The following R3HDM4 variants were observed in gnomAD, a reference collection of about 807,000 sequenced individuals.
R3HDM4 encodes R3H domain-containing protein 4.
In R3HDM4, 30 loss-of-function variants were observed where a neutral mutation model predicts 31.3. The observed-to-expected ratio is 0.96, with a 90% CI of 0.72 to 1.30. R3HDM4 has a LOEUF of 1.30. R3HDM4 is among the 50% of genes most tolerant of loss of function. The pLI, the probability that R3HDM4 is intolerant of heterozygous loss-of-function variation, is 0.00. For synonymous variants in R3HDM4, 196 were observed against 156.6 expected (o/e 1.25, Z -1.88); for missense variants, 444 against 366.1 (o/e 1.21, Z -1.74).
chr19:901,587 G>A (rs2036838273), intron 2 of R3HDM4, 41 bp from the exon 3 acceptor site: 3 of 1,582,450 alleles, frequency 1.9e-6, no homozygotes, highest in Non-Finnish European at 2.6e-6. Context: ...GGTGGCATTT[G>A]GGGACCCCCA....
intron 1 of R3HDM4, among the ~76,000 whole-genome samples, chr19:904,258 G>A (rs946871294): frequency 7.9e-5 from 12 of 152,074 alleles, no homozygotes; most frequent in African/African-American, 1.9e-4. Flanking sequence ...ACGATTTCCC[G>A]TCCCGCCTCG....
Position 899,617 on chromosome 19 carries a change from C to G in R3HDM4, c.631G>C (p.Ala211Pro). Residue 211 changes from alanine to proline, a missense_variant, in exon 6 of 8, where the codon GCA (alanine) becomes CCA (proline). By Grantham distance (27) the Ala-to-Pro change is conservative (BLOSUM62 -1). Transcript: ENST00000361574. This position sits in a 1 kb window ranked among gnomAD's most constrained non-coding sequence, Gnocchi z 6.8. The stretch of plus-strand genomic sequence containing the variant: ...CCCCCTTACCTGTTGTCTAGCATTG[C>G]TGTGTACACGGCCTGGGGGGACACG... ...FSVSPQAVYT[A>P]MLDNSFERLL... 6.2e-7 allele frequency: 1 copy of G among 1,612,278 alleles called. No homozygotes were observed. Among genetic ancestry groups the G allele is most frequent in the Non-Finnish European group, 8.5e-7 (1 of 1,179,426 alleles).
At chr19:906,220 AT>A (rs565109821) in intron 1 of R3HDM4, among the ~76,000 whole-genome samples, 4,395 of 101,310 alleles carry the variant, frequency 0.043, 60 homozygotes, top group Middle Eastern at 0.088. Flanking sequence ...TAGAGATGGG[AT>A]TTTTTTTTTT....
intron 1 of R3HDM4, among the ~76,000 whole-genome samples, chr19:910,376 C>T (rs1380593866): frequency 2.0e-5 from 3 of 151,596 alleles, no homozygotes; most frequent in Admixed American, 6.6e-5. Flanking sequence ...CCTAGCTACT[C>T]GGGAGGCTGG....
rs1467147554 is a variant in R3HDM4 at position 906,242 on chromosome 19, CAG to C, written c.72-4114_72-4113del. On this transcript the variant is annotated intron_variant, in intron 1 of 7. Transcript: ENST00000361574. ...GGGATTTTTTTTTTTTTTTTTGAGA[CAG>C]AGTCTCGCTCTGTCGCCCAGGCTGG... Among the ~76,000 whole-genome samples, 4 of 137,176 alleles carry C rather than the reference CAG, an allele frequency of 2.9e-5. No homozygotes were observed. The East Asian group carries it at 8.3e-4, about 28-fold the overall frequency. The allele number at this position is 137,176 out of a possible 152,430, so 90.0% of individuals were successfully genotyped here.
In R3HDM4 at chr19:913,111, C is replaced by T; in HGVS notation, c.47G>A (p.Gly16Asp). 9.3e-7 allele frequency: 1 copy of T among 1,080,970 alleles called. No individual in the cohort carries two copies. The highest frequency in any genetic ancestry group is 7.2e-5 in the East Asian group (1 of 13,858). The allele number at this position is 1,080,970 out of a possible 1,614,324, so 67.0% of individuals were successfully genotyped here. The change falls in exon 1 of 8, where the codon GGC becomes GAC. Residue 16 changes from glycine (G) to aspartate (D), a missense_variant. Gly to Asp is a moderately conservative substitution (Grantham distance 94). Transcript: ENST00000361574. The surrounding 1 kb of genome is among the most constrained non-coding windows in gnomAD (Gnocchi z 5.0). ...NPECGPEAAE[G>D]TPGGRRLLPL... is the part of the protein sequence containing the mutation. ...CAGCAGCCGCCGCCCGCCCGGGGTGCCCTCCGCCGCCTCCGGGCCGCACTC... is the reference window on the plus strand; with the variant it reads ...CAGCAGCCGCCGCCCGCCCGGGGTGTCCTCCGCCGCCTCCGGGCCGCACTC...
intron 1 of R3HDM4, among the ~76,000 whole-genome samples, chr19:904,782 G>T (rs1427365484): frequency 6.9e-6 from 1 of 145,520 alleles, no homozygotes; most frequent in Admixed American, 6.8e-5. Context: ...TCTTAAAAAA[G>T]AAAAAAAAAA....
In R3HDM4 at chr19:907,009, T is replaced by A. The variant is rs536120231; in HGVS notation, c.72-4879A>T. On this transcript the variant is annotated intron_variant, in intron 1 of 7. Coordinates refer to ENST00000361574, the MANE Select transcript of R3HDM4 (RefSeq NM_138774.4). The surrounding 1 kb of genome is among the most constrained non-coding windows in gnomAD (Gnocchi z 4.1). ...TTTTGTATTTTCAGTAGAGACGGGG[T>A]TTCACCATGTTGGCAGGCTGGTCTT... is the stretch of plus-strand genomic sequence containing the variant. 6.6e-6 allele frequency among the ~76,000 whole-genome samples: 1 copy of A among 151,602 alleles called. No individual in the cohort carries two copies. Among genetic ancestry groups the A allele is most frequent in the South Asian group, 2.1e-4 (1 of 4,780 alleles).
intron 7 of R3HDM4, among the ~76,000 whole-genome samples, chr19:898,046 T>C (rs2036763504): frequency 6.6e-6 from 1 of 151,976 alleles, no homozygotes; most frequent in Non-Finnish European, 1.5e-5. Context: ...GGCAGGAGGA[T>C]CATCTGAGGT....
chr19:897,872 C>T (rs2036761663), intron 7 of R3HDM4, among the ~76,000 whole-genome samples: 1 of 152,244 alleles, frequency 6.6e-6, no homozygotes, highest in African/African-American at 2.4e-5. Flanking sequence ...CCGGCCTCCC[C>T]TCAGGCTCCC....
At position 899,550 on chromosome 19, in the gene R3HDM4, C is replaced by A; in HGVS notation, c.647+51G>T. ...AGGGGCTGCAGCGTGGGGTGTCCGC[C>A]CACCTGGCCGCAGCCTCGGAGGGTC... On this transcript the variant is annotated intron_variant, in intron 6 of 7. Transcript: ENST00000361574. This position sits in a 1 kb window ranked among gnomAD's most constrained non-coding sequence, Gnocchi z 6.8. The A allele has an allele frequency of 6.2e-7, 1 of 1,612,358 alleles. No individual in the cohort carries two copies. The highest frequency in any genetic ancestry group is 8.5e-7 in the Non-Finnish European group (1 of 1,179,176).
At chr19:903,440 G>C (rs920634673) in intron 1 of R3HDM4, among the ~76,000 whole-genome samples, 1 of 152,108 alleles carries the variant, frequency 6.6e-6, no homozygotes, top group African/African-American at 2.4e-5. Context: ...CCTGGGAAGC[G>C]GGTGGTTGGA....
At chr19:908,299 A>G (rs932295745) in intron 1 of R3HDM4, among the ~76,000 whole-genome samples, 1 of 151,876 alleles carries the variant, frequency 6.6e-6, no homozygotes, top group Admixed American at 6.6e-5. Context: ...AAGGAACAGG[A>G]AGACCACATC....
rs758069443 is a variant in R3HDM4 at position 900,943 on chromosome 19, C to T, written c.361G>A (p.Asp121Asn). 3.8e-6 allele frequency: 6 copies of T among 1,598,652 alleles called. No individual in the cohort carries two copies. Among genetic ancestry groups the T allele is most frequent in the East Asian group, 4.6e-5 (2 of 43,790 alleles). ...NNATYVEVWNDFMNRSGEEQE... is the reference protein window; with the variant it reads ...NNATYVEVWNNFMNRSGEEQE... ...TCCTCCCCGGAGCGGTTCATGAAAT[C>T]GTTCCAGACCTGGAAGAGAGGCAGG... Residue 121 changes from aspartate (D) to asparagine (N), a missense_variant, in exon 4 of 8, where the codon GAT becomes AAT. Coordinates refer to ENST00000361574, the MANE Select transcript of R3HDM4 (RefSeq NM_138774.4).
rs1022719808 is a variant in R3HDM4 at position 897,289 on chromosome 19, G to A, written c.*148C>T. The A allele has an allele frequency of 1.4e-4, 86 of 602,220 alleles. No homozygotes were observed. Among genetic ancestry groups the A allele is most frequent in the Middle Eastern group, 3.6e-4 (1 of 2,794 alleles). The allele number at this position is 602,220 out of a possible 1,614,324, so 37.3% of individuals were successfully genotyped here. On this transcript the variant is annotated 3_prime_UTR_variant, in exon 8 of 8. Transcript: ENST00000361574. ...GCGTCTGTTGACTGCCAAGAGCTGC[G>A]TGAGGAGGGGGCAGAGTGAGAGAGA...
At chr19:901,027 G>A (rs565292332) in intron 3 of R3HDM4, 75 bp from the exon 4 acceptor site, 43 of 1,479,864 alleles carry the variant, frequency 2.9e-5, no homozygotes, top group Middle Eastern at 4.5e-4. Context: ...AAATGGGCAC[G>A]GTAAGGCCGC....
intron 1 of R3HDM4, among the ~76,000 whole-genome samples, chr19:903,732 T>C (rs1242243461): frequency 1.3e-5 from 2 of 152,124 alleles, no homozygotes; most frequent in Non-Finnish European, 2.9e-5. Context: ...CGCTCCAGCC[T>C]GGACAACAAG....
Position 913,015 on chromosome 19 carries a change from G to A in R3HDM4, c.71+72C>T, listed in dbSNP as rs2037000467. ...GAAGGGAAAGGAGGGGAGGGGAGGC[G>A]GGGAGAGGATCTCAGGGGAGGGAGC... On this transcript the variant is annotated intron_variant, in intron 1 of 7. Transcript: ENST00000361574. The surrounding 1 kb of genome is among the most constrained non-coding windows in gnomAD (Gnocchi z 5.0). 3.7e-6 allele frequency: 2 copies of A among 546,752 alleles called. No homozygotes were observed. The highest frequency in any genetic ancestry group is 4.8e-6 in the Non-Finnish European group (2 of 419,660). 33.9% of individuals were successfully genotyped at this position (546,752 alleles called of 1,614,324 possible).
At chr19:900,170 G>T in intron 4 of R3HDM4, 24 bp from the exon 5 acceptor site, 1 of 1,539,266 alleles carries the variant, frequency 6.5e-7, no homozygotes. Context: ...GGAACAAGGG[G>T]CAGTCTTGGG....
Sources: gnomAD v4.1 joint callset for allele counts (sites outside exome capture counted in the v4.1 genomes callset) on GRCh38, gnomAD v4.1.1 for gene constraint, Gnocchi (gnomAD v3.1) non-coding constraint, MANE v1.5 for transcripts, NCBI Gene and HGNC (gene_info 2026-07-23, HGNC 2026-07-21) for gene names.